The following DMKN variants were observed in gnomAD, a reference collection of about 807,000 sequenced individuals.
DMKN encodes the protein epidermis-specific secreted protein SK30/SK89.
In DMKN, 58 loss-of-function variants were observed where a neutral mutation model predicts 67.6. The observed-to-expected ratio is 0.86, with a 90% CI of 0.69 to 1.07. The LOEUF (loss-of-function observed/expected upper bound fraction) is 1.07. DMKN is among the 50% of genes least tolerant of loss of function. The pLI is 0.00. For synonymous variants in DMKN, 240 were observed against 232.3 expected (o/e 1.03, Z -0.30); for missense variants, 596 against 601.5 (o/e 0.99, Z 0.10).
chr19:35,505,297 T>C (rs868376642), intron 9 of DMKN, among the ~76,000 whole-genome samples: 1 of 152,150 alleles, frequency 6.6e-6, no homozygotes, highest in African/African-American at 2.4e-5. Context: ...GACTAATGCC[T>C]GTCACCCCTG....
rs775832324 is a variant in DMKN at position 35,500,532 on chromosome 19, C to G, written c.1287+1G>C. The G allele has an allele frequency of 3.1e-6, 5 of 1,611,212 alleles. No individual in the cohort carries two copies. In the East Asian group the frequency reaches 8.9e-5, roughly 29 times the overall value. The stretch of plus-strand genomic sequence containing the variant: ...AGGGTAACTTGAGGACAGAGACTCA[C>G]CTGATCGTCTCTGCCTGCACGTTTC... On this transcript the variant is annotated splice_donor_variant, in intron 12 of 15. Coordinates refer to ENST00000339686, the MANE Select transcript of DMKN (RefSeq NM_033317.5). LOFTEE classifies it high-confidence loss of function.
intron 9 of DMKN, among the ~76,000 whole-genome samples, chr19:35,504,580 CA>C (rs532027754): frequency 3.4e-4 from 38 of 111,878 alleles, no homozygotes; most frequent in Admixed American, 4.9e-4. Flanking sequence ...TCCGTCTCAC[CA>C]AAAAAAAAAA....
rs1267978788 is a variant in DMKN at position 35,511,398 on chromosome 19, G to A, written c.918+13C>T. 1 of 1,607,582 alleles carries A rather than the reference G, an allele frequency of 6.2e-7. No homozygotes were observed. The highest frequency in any genetic ancestry group is 8.5e-7 in the Non-Finnish European group (1 of 1,179,790). ...CACCCCATCTCAGCCTTCCACAGAG[G>A]TGCCAAACTCACCCAGGAGGACTCA... On this transcript the variant is annotated intron_variant, in intron 5 of 15. Coordinates refer to ENST00000339686, the MANE Select transcript of DMKN (RefSeq NM_033317.5).
Position 35,511,778 on chromosome 19 carries a change from G to A in DMKN, c.720C>T (p.Gly240=). 1 of 1,613,358 alleles carries A rather than the reference G, an allele frequency of 6.2e-7. No individual in the cohort carries two copies. Among genetic ancestry groups the A allele is most frequent in the Middle Eastern group, 1.7e-4 (1 of 6,060 alleles). ...TNPPPSGSGG[G]SSNSGGGSGS... ...CTCCACTCACCCCAGAGTTGCTGGAGCCTCCACCTGAGCCAGATGGTGGGG... is the reference window on the plus strand; with the variant it reads ...CTCCACTCACCCCAGAGTTGCTGGAACCTCCACCTGAGCCAGATGGTGGGG... Residue 240 remains glycine (G), a synonymous_variant, in exon 4 of 16, where the codon GGC becomes GGT. Coordinates refer to ENST00000339686, the MANE Select transcript of DMKN (RefSeq NM_033317.5).
intron 4 of DMKN, 24 bp downstream of exon 4, chr19:35,511,739 C>A (rs1355133682): frequency 6.2e-7 from 1 of 1,609,410 alleles, no homozygotes; most frequent in Admixed American, 1.7e-5. Flanking sequence ...GTGCACAACT[C>A]CTGGGTTGCC....
At chr19:35,499,089 T>A in intron 13 of DMKN, 192 bp from the exon 14 acceptor site, 1 of 738,166 alleles carries the variant, frequency 1.4e-6, no homozygotes, top group Non-Finnish European at 2.2e-6. Context: ...CTGAGTGCAC[T>A]TGATCCAAGA....
At chr19:35,508,134 TC>T in intron 7 of DMKN, 2 of 1,541,766 alleles carry the variant, frequency 1.3e-6, no homozygotes, top group Non-Finnish European at 1.8e-6. Context: ...CCAGTATTGC[TC>T]CTGGAGAACA....
chr19:35,506,979 T>C lies in DMKN; in HGVS notation c.1039-993A>G, dbSNP rs150819686. On this transcript the variant is annotated intron_variant, in intron 7 of 15. Coordinates refer to ENST00000339686, the MANE Select transcript of DMKN (RefSeq NM_033317.5). ...CCACTGCACATGGCCTATTATTTTC[T>C]TTTTAAAAAGTAGAGACAGGGTCTT... is the stretch of plus-strand genomic sequence containing the variant. 2.4e-3 allele frequency: 412 copies of C among 173,652 alleles called. 2 individuals carry two copies. The highest frequency in any genetic ancestry group is 3.7e-3 in the Admixed American group (66 of 17,906). The allele number at this position is 173,652 out of a possible 1,614,324, so 10.8% of individuals were successfully genotyped here.
chr19:35,500,703 G>A (rs2068211195), intron 11 of DMKN, 123 bp from the exon 12 acceptor site: 7 of 1,059,794 alleles, frequency 6.6e-6, no homozygotes, highest in African/African-American at 1.6e-5. Context: ...AGAAGGCAGT[G>A]AGCCTGGAGG....
intron 9 of DMKN, among the ~76,000 whole-genome samples, chr19:35,505,030 A>C (rs1349009117): frequency 6.6e-6 from 1 of 152,008 alleles, no homozygotes. Context: ...TTCTTAAAAA[A>C]AAAAAAAAAT....
Position 35,498,861 on chromosome 19 carries a change from C to CCTTCTCTCTCT in DMKN, c.1383+12_1383+13insAGAGAGAGAAG. On this transcript the variant is annotated intron_variant, in intron 14 of 15. Coordinates refer to ENST00000339686, the MANE Select transcript of DMKN (RefSeq NM_033317.5). ...TCTCTCCAGCCAGATGAAGATCAGG[C>CCTTCTCTCTCT]CCCCATACTCACCGAGGAAGAAGGT... is the stretch of plus-strand genomic sequence containing the variant. 1 of 1,614,084 alleles carries CCTTCTCTCTCT rather than the reference C, an allele frequency of 6.2e-7. No individual in the cohort carries two copies. The highest frequency in any genetic ancestry group is 1.7e-5 in the Admixed American group (1 of 59,998).
chr19:35,511,792 C>G lies in DMKN; in HGVS notation c.706G>C (p.Gly236Arg). 2.5e-6 allele frequency: 4 copies of G among 1,613,468 alleles called. No homozygotes were observed. The highest frequency in any genetic ancestry group is 3.4e-6 in the Non-Finnish European group (4 of 1,179,686). ...GAGTTGCTGGAGCCTCCACCTGAGC[C>G]AGATGGTGGGGGATTCGTGCACTGT... is the stretch of plus-strand genomic sequence containing the variant. ...NEGCTNPPPS[G>R]SGGGSSNSGG... Residue 236 changes from glycine (G) to arginine (R), a missense_variant, in exon 4 of 16, where the codon GGC becomes CGC. Physicochemically the swap from Gly to Arg is moderately radical, Grantham distance 125. Transcript: ENST00000339686.
In DMKN at chr19:35,511,808, C is replaced by G. The variant is rs4806162; in HGVS notation, c.690G>C (p.Thr230=). ...CACCTGAGCCAGATGGTGGGGGATT[C>G]GTGCACTGTCGAGGGAAAGGGATGG... ...VRASNQNEGC[T]NPPPSGSGGG... Residue 230 remains threonine (T), a synonymous_variant, in exon 4 of 16, where the codon ACG becomes ACC. Coordinates refer to ENST00000339686, the MANE Select transcript of DMKN (RefSeq NM_033317.5). 1 of 1,612,066 alleles carries G rather than the reference C, an allele frequency of 6.2e-7. No homozygotes were observed. Among genetic ancestry groups the G allele is most frequent in the South Asian group, 1.1e-5 (1 of 90,772 alleles).
chr19:35,500,062 G>C (rs1453671908), intron 12 of DMKN, 33 bp from the exon 13 acceptor site: 1 of 1,612,756 alleles, frequency 6.2e-7, no homozygotes. Flanking sequence ...GGTTAGAACA[G>C]ACGGACGAAG....
At position 35,500,007 on chromosome 19, in the gene DMKN, G is replaced by A. The variant is rs1383141492; in HGVS notation, c.1310C>T (p.Ala437Val). The change falls in exon 13 of 16, where the codon GCG (alanine) becomes GTG (valine). Residue 437 changes from alanine (A) to valine (V), a missense_variant. Coordinates refer to ENST00000339686, the MANE Select transcript of DMKN (RefSeq NM_033317.5). ...DDQNYNYNQH[A>V]YPTAYGGKYS... ...CTTCCCACCATAGGCAGTGGGATAC[G>A]CATGCTGGTTGTAATTGTAGTTCTG... 5.0e-6 allele frequency: 8 copies of A among 1,614,098 alleles called. No individual in the cohort carries two copies. The highest frequency in any genetic ancestry group is 4.5e-5 in the East Asian group (2 of 44,890).
Position 35,509,978 on chromosome 19 carries a change from G to C in DMKN, c.988-17C>G, listed in dbSNP as rs200701507. On this transcript the variant is annotated splice_polypyrimidine_tract_variant and intron_variant, in intron 6 of 15. Transcript: ENST00000339686. ...CTTTTCACACTGCCGGGGAGAGAAAGGGGAGACTTTCCCTCAGTCCCCTCC... is the reference window on the plus strand; with the variant it reads ...CTTTTCACACTGCCGGGGAGAGAAACGGGAGACTTTCCCTCAGTCCCCTCC... The C allele has an allele frequency of 6.2e-7, 1 of 1,614,064 alleles. No homozygotes were observed. The highest frequency in any genetic ancestry group is 2.2e-5 in the East Asian group (1 of 44,868).
intron 10 of DMKN, among the ~76,000 whole-genome samples, chr19:35,502,470 C>T (rs1365261063): frequency 2.0e-5 from 3 of 151,928 alleles, no homozygotes; most frequent in Admixed American, 1.3e-4. Flanking sequence ...GAGGCCGAGG[C>T]AGGTGGATCA....
intron 5 of DMKN, chr19:35,510,550 C>T: frequency 6.5e-7 from 1 of 1,532,210 alleles, no homozygotes; most frequent in Non-Finnish European, 8.8e-7. Flanking sequence ...TAGCCGCGAT[C>T]CTGCCACCAG....
chr19:35,509,378 C>G (rs1291141342), intron 7 of DMKN: 1 of 152,838 alleles, frequency 6.5e-6, no homozygotes, highest in African/African-American at 2.4e-5. Flanking sequence ...CTGGCCTTGC[C>G]CCTGGCCACG....
Sources: gnomAD v4.1 joint callset for allele counts (sites outside exome capture counted in the v4.1 genomes callset) on GRCh38, gnomAD v4.1.1 for gene constraint, MANE v1.5 for transcripts, NCBI Gene and HGNC (gene_info 2026-07-23, HGNC 2026-07-21) for gene names.